MYT1L: variants seen among roughly 807,000 people sequenced by gnomAD.
MYT1L encodes the protein myelin transcription factor 1-like protein.
MYT1L carries 12 observed loss-of-function variants against 126.7 expected under a neutral mutation model. The observed-to-expected ratio is 0.09, with a 90% CI of 0.06 to 0.15. The LOEUF is 0.15. MYT1L is among the 10% of genes least tolerant of loss of function. The pLI is 1.00. For missense variants in MYT1L, 979 were observed against 1,585.2 expected (o/e 0.62, Z 6.49); for synonymous variants, 541 against 604.2 (o/e 0.90, Z 1.53).
Position 2,174,207 on chromosome 2 carries a change from C to T in MYT1L, c.-420-1219G>A, listed in dbSNP as rs186785645. On this transcript the variant is annotated intron_variant, in intron 2 of 24. Transcript: ENST00000647738. ...ATATCAGTTTGGAGTTATTTTGTAA[C>T]ATTTAAAAATATACACTTAGCTTTT... 1.4e-4 allele frequency among the ~76,000 whole-genome samples: 22 copies of T among 152,288 alleles called. No individual in the cohort carries two copies. In the East Asian group the frequency reaches 3.3e-3, roughly 23 times the overall value.
At chr2:1,854,989 TC>T (rs2043729773) in intron 18 of MYT1L, among the ~76,000 whole-genome samples, 1 of 152,184 alleles carries the variant, frequency 6.6e-6, no homozygotes, top group Admixed American at 6.5e-5. Context: ...ATTCAGCTTT[TC>T]CGTCTTTAGG....
intron 2 of MYT1L, among the ~76,000 whole-genome samples, chr2:2,181,884 C>A (rs1572211215): frequency 6.6e-6 from 1 of 152,188 alleles, no homozygotes; most frequent in African/African-American, 2.4e-5. Flanking sequence ...TGAGAATAGG[C>A]AACCGAGATA....
At chr2:2,028,412 C>G (rs1038254714) in intron 4 of MYT1L, among the ~76,000 whole-genome samples, 1 of 152,116 alleles carries the variant, frequency 6.6e-6, no homozygotes, top group Non-Finnish European at 1.5e-5. Flanking sequence ...AATAGTAGAT[C>G]GACAGTCCTA....
intron 2 of MYT1L, among the ~76,000 whole-genome samples, chr2:2,283,047 C>T (rs1212638616): frequency 6.6e-6 from 1 of 152,192 alleles, no homozygotes; most frequent in Non-Finnish European, 1.5e-5. Context: ...TGCACTCCAG[C>T]CTGGGTGACA....
At chr2:1,815,222 C>A (rs893416394) in intron 21 of MYT1L, among the ~76,000 whole-genome samples, 34 of 152,156 alleles carry the variant, frequency 2.2e-4, no homozygotes, top group African/African-American at 8.2e-4. Flanking sequence ...GGTTGAGAGC[C>A]CGAGGTGAGG....
intron 3 of MYT1L, among the ~76,000 whole-genome samples, chr2:2,102,509 A>C (rs1276625534): frequency 2.0e-5 from 3 of 151,894 alleles, no homozygotes; most frequent in Non-Finnish European, 4.4e-5. Flanking sequence ...GATCCTTCCC[A>C]AGATTTTCCC....
intron 22 of MYT1L, among the ~76,000 whole-genome samples, chr2:1,808,386 C>A (rs966372227): frequency 1.3e-5 from 2 of 152,162 alleles, no homozygotes; most frequent in East Asian, 3.9e-4. Flanking sequence ...AGCTGCTCTG[C>A]GAGTGCACAG....
At position 1,910,199 on chromosome 2, in the gene MYT1L, C is replaced by G; in HGVS notation, c.1817+41G>C. The G allele has an allele frequency of 6.4e-7, 1 of 1,573,038 alleles. No homozygotes were observed. The highest frequency in any genetic ancestry group is 8.7e-7 in the Non-Finnish European group (1 of 1,146,918). ...CCAGCGCTCCGAGGTGTGGGGCAGA[C>G]TATGGATAGAGCTCACGGATGGTGC... On this transcript the variant is annotated intron_variant, in intron 13 of 24. Transcript: ENST00000647738. The surrounding 1 kb of genome is among the most constrained non-coding windows in gnomAD (Gnocchi z 4.8).
intron 18 of MYT1L, among the ~76,000 whole-genome samples, chr2:1,853,019 C>A (rs902007947): frequency 1.3e-5 from 2 of 152,052 alleles, no homozygotes; most frequent in Non-Finnish European, 2.9e-5. Flanking sequence ...ATGACATTGG[C>A]CGAATTTTAA....
chr2:1,795,790 A>C (rs776121370), intron 23 of MYT1L: 12 of 152,228 alleles, frequency 7.9e-5, no homozygotes, highest in Non-Finnish European at 1.8e-4. Context: ...GGCTGCTAGG[A>C]AGCAGTGCAT....
At chr2:1,915,909 C>A (rs2052753544) in intron 11 of MYT1L, among the ~76,000 whole-genome samples, 1 of 152,130 alleles carries the variant, frequency 6.6e-6, no homozygotes, top group Admixed American at 6.5e-5. Flanking sequence ...GGGTGTTGCC[C>A]TGCAGTGTCG....
chr2:1,939,845 C>G (rs12714314), intron 9 of MYT1L, among the ~76,000 whole-genome samples: 1 of 152,202 alleles, frequency 6.6e-6, no homozygotes, highest in East Asian at 1.9e-4. Flanking sequence ...GAAACACCCA[C>G]GTGGGGCTCC....
intron 9 of MYT1L, among the ~76,000 whole-genome samples, chr2:1,926,412 G>A (rs532680500): frequency 5.9e-5 from 9 of 152,238 alleles, no homozygotes; most frequent in African/African-American, 2.2e-4. Context: ...CTTTTCTGAG[G>A]CTAATAATGA....
intron 18 of MYT1L, among the ~76,000 whole-genome samples, chr2:1,855,191 T>C (rs1227347934): frequency 6.6e-6 from 1 of 152,240 alleles, no homozygotes; most frequent in African/African-American, 2.4e-5. Context: ...CTGAAGTCGA[T>C]GGATGGGGAA....
chr2:2,275,662 G>A (rs1347097581), intron 2 of MYT1L, among the ~76,000 whole-genome samples: 2 of 152,128 alleles, frequency 1.3e-5, no homozygotes, highest in African/African-American at 2.4e-5. Context: ...CATGGAATGT[G>A]AGCATCACTT....
chr2:1,903,621 T>A (rs2148962857), intron 13 of MYT1L, among the ~76,000 whole-genome samples: 1 of 152,206 alleles, frequency 6.6e-6, no homozygotes, highest in African/African-American at 2.4e-5. Context: ...ACAATTCCAG[T>A]CCTGAAATTT....
At chr2:2,025,130 C>T (rs1321408286) in intron 4 of MYT1L, among the ~76,000 whole-genome samples, 3 of 152,196 alleles carry the variant, frequency 2.0e-5, no homozygotes, top group Non-Finnish European at 2.9e-5. Flanking sequence ...AGTTCAGGGG[C>T]CCTGGATGGA....
chr2:2,086,466 G>A (rs1329386399), intron 3 of MYT1L, among the ~76,000 whole-genome samples: 1 of 152,112 alleles, frequency 6.6e-6, no homozygotes, highest in Non-Finnish European at 1.5e-5. Context: ...AGTTAATCTC[G>A]GAACAGAAAA....
intron 8 of MYT1L, among the ~76,000 whole-genome samples, chr2:1,954,750 T>G (rs1422771076): frequency 6.6e-6 from 1 of 151,994 alleles, no homozygotes; most frequent in Non-Finnish European, 1.5e-5. Flanking sequence ...TTTGAAAAAG[T>G]GAGAAACAAG....
Sources: gnomAD v4.1 joint callset for allele counts (sites outside exome capture counted in the v4.1 genomes callset) on GRCh38, gnomAD v4.1.1 for gene constraint, Gnocchi (gnomAD v3.1) non-coding constraint, MANE v1.5 for transcripts, NCBI Gene and HGNC (gene_info 2026-07-23, HGNC 2026-07-21) for gene names.